CDH18: variants seen among roughly 807,000 people sequenced by gnomAD.
CDH18 encodes the protein cadherin-18.
In CDH18, 31 loss-of-function variants were observed where a neutral mutation model predicts 67.9. That is an observed-to-expected ratio of 0.46 (90% CI 0.34 to 0.62). The LOEUF is 0.62. CDH18 is among the 20% of genes least tolerant of loss of function. The probability of loss-of-function intolerance (pLI) is 0.01; values close to 1 mark genes in which losing one functional copy is unlikely to be tolerated. For synonymous variants in CDH18, 362 were observed against 347.2 expected (o/e 1.04, Z -0.48); for missense variants, 890 against 975.5 (o/e 0.91, Z 1.17).
At chr5:20,495,371 A>G (rs1753843125) in intron 1 of CDH18, among the ~76,000 whole-genome samples, 1 of 152,184 alleles carries the variant, frequency 6.6e-6, no homozygotes, top group Admixed American at 6.6e-5. Context: ...CTAAAGGAGA[A>G]CGGCATTGGC....
chr5:19,820,327 C>A (rs951587726), intron 3 of CDH18, among the ~76,000 whole-genome samples: 2 of 152,150 alleles, frequency 1.3e-5, no homozygotes, highest in Admixed American at 1.3e-4. Context: ...GCTGTTCAGA[C>A]CTGCTCCTGG....
chr5:20,547,014 G>A (rs998874507), intron 1 of CDH18, among the ~76,000 whole-genome samples: 6 of 151,924 alleles, frequency 3.9e-5, no homozygotes, highest in Non-Finnish European at 7.4e-5. Flanking sequence ...TCCTACACAC[G>A]CTGTCTATCA....
At chr5:19,486,705 ATTGC>A (rs1413446876) in intron 11 of CDH18, among the ~76,000 whole-genome samples, 1 of 152,054 alleles carries the variant, frequency 6.6e-6, no homozygotes, top group Admixed American at 6.6e-5. Flanking sequence ...AGGCAGGAGA[ATTGC>A]TGGAACTCGG....
intron 1 of CDH18, among the ~76,000 whole-genome samples, chr5:20,558,187 T>C (rs140893775): frequency 3.3e-5 from 5 of 152,242 alleles, no homozygotes; most frequent in Non-Finnish European, 7.4e-5. Context: ...AGATTTAGCA[T>C]TTTCTATAAT....
intron 2 of CDH18, among the ~76,000 whole-genome samples, chr5:20,055,064 A>G (rs1741789250): frequency 6.6e-6 from 1 of 151,916 alleles, no homozygotes; most frequent in Non-Finnish European, 1.5e-5. Flanking sequence ...CAACCAACAC[A>G]GTAAGTAGTC....
At chr5:19,736,412 G>T (rs183350247) in intron 4 of CDH18, among the ~76,000 whole-genome samples, 1 of 152,040 alleles carries the variant, frequency 6.6e-6, no homozygotes, top group Non-Finnish European at 1.5e-5. Flanking sequence ...TCACAGGTGG[G>T]GGAGACATGA....
Position 19,783,514 on chromosome 5 carries a change from G to C in CDH18, c.229-36278C>G, listed in dbSNP as rs114295364. On this transcript the variant is annotated intron_variant, in intron 3 of 12. Transcript: ENST00000382275. ...ATAACTGCATCTCATAGTCACCTGAGCATACTAGTGATTGCTGTTATATTC... is the reference window on the plus strand; with the variant it reads ...ATAACTGCATCTCATAGTCACCTGACCATACTAGTGATTGCTGTTATATTC... Among the ~76,000 whole-genome samples the C allele has an allele frequency of 9.5e-3, 1,442 of 152,218 alleles. 6 individuals carry two copies. Among genetic ancestry groups the C allele is most frequent in the African/African-American group, 0.016 (652 of 41,528 alleles).
intron 2 of CDH18, among the ~76,000 whole-genome samples, chr5:20,074,397 T>G (rs762345888): frequency 1.3e-5 from 2 of 152,152 alleles, no homozygotes; most frequent in Non-Finnish European, 2.9e-5. Context: ...TATTGACTAC[T>G]TGAAAATAAT....
chr5:20,126,505 A>G (rs1748842167), intron 2 of CDH18, among the ~76,000 whole-genome samples: 2 of 152,212 alleles, frequency 1.3e-5, no homozygotes, highest in South Asian at 4.1e-4. Context: ...AAAGGAAACA[A>G]TCAACAAAAC....
chr5:19,573,577 C>T (rs939990253), intron 7 of CDH18, among the ~76,000 whole-genome samples: 3 of 150,722 alleles, frequency 2.0e-5, no homozygotes, highest in African/African-American at 4.9e-5. Context: ...CATGCCCGGC[C>T]GAGGAGTTGC....
intron 2 of CDH18, among the ~76,000 whole-genome samples, chr5:20,113,191 A>C (rs936920959): frequency 2.6e-5 from 4 of 152,168 alleles, no homozygotes; most frequent in African/African-American, 9.7e-5. Flanking sequence ...GTCATGATTC[A>C]CCATACTGAA....
At chr5:19,678,755 A>T (rs1268064297) in intron 5 of CDH18, among the ~76,000 whole-genome samples, 1 of 152,022 alleles carries the variant, frequency 6.6e-6, no homozygotes, top group African/African-American at 2.4e-5. Flanking sequence ...GACCAGGAAG[A>T]AATTAAATCC....
intron 5 of CDH18, among the ~76,000 whole-genome samples, chr5:19,711,075 A>G (rs1424025130): frequency 6.6e-6 from 1 of 152,038 alleles, no homozygotes; most frequent in East Asian, 1.9e-4. Context: ...CTGGACACCT[A>G]TTTCTCATTA....
chr5:20,397,232 G>A (rs1745358903), intron 1 of CDH18, among the ~76,000 whole-genome samples: 2 of 152,102 alleles, frequency 1.3e-5, no homozygotes, highest in Admixed American at 1.3e-4. Context: ...CTGGGTTCAA[G>A]CAATTCTCCT....
At chr5:20,306,845 T>G (rs1178357999) in intron 1 of CDH18, among the ~76,000 whole-genome samples, 2 of 146,124 alleles carry the variant, frequency 1.4e-5, no homozygotes, top group Non-Finnish European at 3.0e-5. Flanking sequence ...TGATTTAATT[T>G]GTTTAATAAT....
At chr5:19,585,915 C>G (rs560309547) in intron 7 of CDH18, among the ~76,000 whole-genome samples, 15 of 152,166 alleles carry the variant, frequency 9.9e-5, no homozygotes, top group African/African-American at 3.6e-4. Flanking sequence ...AGTAAGTGTT[C>G]AGACTCTGAT....
At position 19,994,853 on chromosome 5, in the gene CDH18, T is replaced by TAGAGAGAGAGAGAGAGAGAGAGAG. The variant is rs776078908; in HGVS notation, c.-517-2840_-517-2839insCTCTCTCTCTCTCTCTCTCTCTCT. Among the ~76,000 whole-genome samples the TAGAGAGAGAGAGAGAGAGAGAGAG allele has an allele frequency of 1.1e-4, 6 of 53,208 alleles. 2 individuals are homozygous for TAGAGAGAGAGAGAGAGAGAGAGAG. The highest frequency in any genetic ancestry group is 1.9e-4 in the African/African-American group (2 of 10,432). 34.9% of individuals were successfully genotyped at this position (53,208 alleles called of 152,430 possible). On this transcript the variant is annotated intron_variant, in intron 2 of 14. Coordinates refer to the CDH18 transcript ENST00000507958. ...GAATATATATATATATATATATATA[T>TAGAGAGAGAGAGAGAGAGAGAGAG]ATAGAGAGAGAGAGAGAGAGAGAGA...
chr5:19,685,992 T>G (rs565970546), intron 5 of CDH18, among the ~76,000 whole-genome samples: 2 of 152,080 alleles, frequency 1.3e-5, no homozygotes, highest in African/African-American at 4.8e-5. Context: ...AAGAAGAAAG[T>G]GGTTTGGTGA....
chr5:20,042,689 T>C (rs1580108085), intron 2 of CDH18, among the ~76,000 whole-genome samples: 1 of 152,090 alleles, frequency 6.6e-6, no homozygotes, highest in Non-Finnish European at 1.5e-5. Context: ...ATGGGCCGGG[T>C]GCGGTGGCTC....
Sources: gnomAD v4.1 joint callset for allele counts (sites outside exome capture counted in the v4.1 genomes callset) on GRCh38, gnomAD v4.1.1 for gene constraint, MANE v1.5 for transcripts, NCBI Gene and HGNC (gene_info 2026-07-23, HGNC 2026-07-21) for gene names.